The following CPS1 variants were observed in gnomAD, a reference collection of about 807,000 sequenced individuals.
CPS1 encodes carbamoyl-phosphate synthase 1, also known as carbamoyl-phosphate synthase [ammonia], mitochondrial.
Under a neutral mutation model 174.6 loss-of-function variants are expected in CPS1, and 109 were observed. That is an observed-to-expected ratio of 0.62 (90% confidence interval 0.53 to 0.73). The LOEUF (loss-of-function observed/expected upper bound fraction) is 0.73. CPS1 is among the 30% of genes least tolerant of loss of function. The probability of loss-of-function intolerance (pLI) is 0.00; values close to 1 mark genes in which losing one functional copy is unlikely to be tolerated. For synonymous variants in CPS1, 637 were observed against 632.0 expected (o/e 1.01, Z -0.12); for missense variants, 1,689 against 1,821.9 (o/e 0.93, Z 1.33).
At chr2:210,609,520 A>G (rs1699035041) in intron 19 of CPS1, among the ~76,000 whole-genome samples, 1 of 152,002 alleles carries the variant, frequency 6.6e-6, no homozygotes, top group Non-Finnish European at 1.5e-5. Flanking sequence ...AATGTAATCC[A>G]TCATTATTGT....
At chr2:210,523,436 A>G (rs956851493) in intron 1 of CPS1, among the ~76,000 whole-genome samples, 4 of 151,968 alleles carry the variant, frequency 2.6e-5, no homozygotes, top group African/African-American at 9.7e-5. Flanking sequence ...TAGTGTAACC[A>G]TTACATACAT....
chr2:210,648,397 G>C lies in CPS1; in HGVS notation c.3337-76G>C, dbSNP rs1214340006. The C allele has an allele frequency of 3.2e-6, 4 of 1,262,040 alleles. No individual in the cohort carries two copies. The African/African-American group carries it at 4.4e-5, about 14-fold the overall frequency. 78.2% of individuals were successfully genotyped at this position (1,262,040 alleles called of 1,614,324 possible). A position where few individuals can be genotyped will look rare whatever the true frequency, so the allele number is the denominator to read the frequency against. ...ATAAAGAAGCTGGGCTACCACTCGA[G>C]CTAATGATACATTCTGTAATTTTAT... On this transcript the variant is annotated intron_variant, in intron 26 of 37. Coordinates refer to ENST00000233072, the MANE Select transcript of CPS1 (RefSeq NM_001875.5).
chr2:210,568,677 C>T (rs904797883), intron 1 of CPS1, among the ~76,000 whole-genome samples: 28 of 151,980 alleles, frequency 1.8e-4, no homozygotes, highest in African/African-American at 6.8e-4. Flanking sequence ...CTCCAAGATA[C>T]ACTAGGAAAA....
At chr2:210,559,397 A>G (rs553613729) in intron 1 of CPS1, among the ~76,000 whole-genome samples, 6 of 152,180 alleles carry the variant, frequency 3.9e-5, no homozygotes, top group African/African-American at 1.4e-4. Flanking sequence ...GACGACAGCA[A>G]TGACGCACTT....
intron 29 of CPS1, among the ~76,000 whole-genome samples, chr2:210,654,638 A>C (rs538746558): frequency 6.6e-6 from 1 of 152,336 alleles, no homozygotes; most frequent in East Asian, 1.9e-4. Context: ...AGGAGAAATG[A>C]AAATGTGAAG....
chr2:210,512,736 T>A (rs1484672361), intron 1 of CPS1, among the ~76,000 whole-genome samples: 9 of 46,744 alleles, frequency 1.9e-4, no homozygotes, highest in African/African-American at 3.1e-4. Flanking sequence ...TCCAGTAGTT[T>A]TATATATATA....
intron 15 of CPS1, among the ~76,000 whole-genome samples, chr2:210,601,999 T>C (rs1698742946): frequency 3.9e-5 from 6 of 151,922 alleles, no homozygotes; most frequent in Admixed American, 2.6e-4. Context: ...GATATATATA[T>C]ATATATCCTC....
At chr2:210,554,584 A>G (rs138633604), upstream of CPS1, among the ~76,000 whole-genome samples, 137 of 152,034 alleles carry the variant, frequency 9.0e-4, no homozygotes, top group African/African-American at 3.0e-3. Flanking sequence ...TATAGTATTC[A>G]TTGCATGGGT....
chr2:210,564,875 A>G (rs1247247616), intron 1 of CPS1, among the ~76,000 whole-genome samples: 1 of 151,956 alleles, frequency 6.6e-6, no homozygotes, highest in Admixed American at 6.6e-5. Flanking sequence ...AGTGCCTGTA[A>G]TCTCAGCTAC....
intron 22 of CPS1, among the ~76,000 whole-genome samples, chr2:210,638,751 T>A (rs1332535612): frequency 6.6e-6 from 1 of 152,208 alleles, no homozygotes; most frequent in Admixed American, 6.5e-5. Context: ...CACAGGCCAC[T>A]TAAATCCTGC....
intron 21 of CPS1, among the ~76,000 whole-genome samples, chr2:210,625,312 T>C (rs1699665181): frequency 1.3e-5 from 2 of 152,088 alleles, no homozygotes; most frequent in Admixed American, 1.3e-4. Flanking sequence ...AATATAGGTT[T>C]ATAACCTATA....
chr2:210,550,336 T>C (rs1696694487), intron 1 of CPS1, among the ~76,000 whole-genome samples: 1 of 151,920 alleles, frequency 6.6e-6, no homozygotes, highest in African/African-American at 2.4e-5. Context: ...CTCTTTCCTG[T>C]TCATTCCATG....
chr2:210,518,055 A>G (rs965158291), intron 1 of CPS1, among the ~76,000 whole-genome samples: 3 of 151,992 alleles, frequency 2.0e-5, no homozygotes, highest in African/African-American at 7.2e-5. Flanking sequence ...TAAGTGCCAT[A>G]TAGTTTAAGA....
At chr2:210,541,297 C>T (rs1696417371) in intron 1 of CPS1, among the ~76,000 whole-genome samples, 1 of 152,160 alleles carries the variant, frequency 6.6e-6, no homozygotes, top group South Asian at 2.1e-4. Flanking sequence ...CCTGGCCAAT[C>T]AAACTGTCCT....
rs1182802068 is a variant in CPS1, at chr2:210,605,201, ACTGT to A, written c.1941_1944del (p.Cys648ThrfsTer32). On this transcript the variant is annotated frameshift_variant, in exon 17 of 38. Coordinates refer to ENST00000233072, the MANE Select transcript of CPS1 (RefSeq NM_001875.5). LOFTEE classifies it high-confidence loss of function. ...TCGAGATGCTGATGACAATTGTGTC[ACTGT>A]CTGTAACATGGAAAATGTTGATGCC... 1 of 1,612,164 alleles carries A rather than the reference ACTGT, an allele frequency of 6.2e-7. No individual in the cohort carries two copies. Among genetic ancestry groups the A allele is most frequent in the African/African-American group, 1.3e-5 (1 of 74,786 alleles).
Position 210,489,929 on chromosome 2 carries a change from C to T in CPS1, c.3+12163C>T, listed in dbSNP as rs13397167. The stretch of plus-strand genomic sequence containing the variant: ...AGGAGAATGGCGTGAACCCGGGAGG[C>T]GGAGCTTGCAGTGAGCCGAGATCCT... On this transcript the variant is annotated intron_variant, in intron 1 of 38. Coordinates refer to the CPS1 transcript ENST00000430249. Among the ~76,000 whole-genome samples, 13 of 143,940 alleles carry T rather than the reference C, an allele frequency of 9.0e-5. 1 individual carries two copies. Among genetic ancestry groups the T allele is most frequent in the Admixed American group, 3.6e-4 (5 of 13,786 alleles). The allele number at this position is 143,940 out of a possible 152,430, so 94.4% of individuals were successfully genotyped here. A position where few individuals can be genotyped will look rare whatever the true frequency, so the allele number is the denominator to read the frequency against.
intron 1 of CPS1, chr2:210,477,777 A>G (rs1694435468): frequency 1.2e-6 from 2 of 1,613,672 alleles, no homozygotes; most frequent in South Asian, 1.1e-5. Flanking sequence ...GTGAGTCTTA[A>G]GCTGGATATC....
intron 29 of CPS1, among the ~76,000 whole-genome samples, chr2:210,656,302 G>A (rs1700703016): frequency 6.6e-6 from 1 of 152,150 alleles, no homozygotes; most frequent in Non-Finnish European, 1.5e-5. Context: ...CTAATCAGTG[G>A]ATGAGGGAGG....
chr2:210,493,880 AT>A (rs35545942), intron 1 of CPS1, among the ~76,000 whole-genome samples: 30,886 of 152,112 alleles, frequency 0.2, 3,664 homozygotes, highest in Middle Eastern at 0.32. Flanking sequence ...GAATTATTTC[AT>A]TCATATGAGT....
Sources: gnomAD v4.1 joint callset for allele counts (sites outside exome capture counted in the v4.1 genomes callset) on GRCh38, gnomAD v4.1.1 for gene constraint, MANE v1.5 for transcripts, NCBI Gene and HGNC (gene_info 2026-07-23, HGNC 2026-07-21) for gene names.